NPC1L1: variants seen among roughly 807,000 people sequenced by gnomAD.
NPC1L1 encodes NPC1 like intracellular cholesterol transporter 1.
Under a neutral mutation model 117.0 loss-of-function variants are expected in NPC1L1, and 98 were observed. The observed-to-expected ratio is 0.84, with a 90% CI of 0.71 to 0.99. The LOEUF (loss-of-function observed/expected upper bound fraction) is 0.99, where lower values mean the gene tolerates loss of function less well. Ranked by LOEUF, NPC1L1 falls within the 50% of genes least tolerant of loss-of-function variation. The probability of loss-of-function intolerance (pLI) is 0.00; values close to 1 mark genes in which losing one functional copy is unlikely to be tolerated. For missense variants in NPC1L1, 1,540 were observed against 1,710.0 expected (o/e 0.90, Z 1.75); for synonymous variants, 729 against 727.6 (o/e 1.00, Z -0.03).
At chr7:44,518,698 T>C in intron 14 of NPC1L1, 1 of 1,241,644 alleles carries the variant, frequency 8.1e-7, no homozygotes, top group South Asian at 1.4e-5. Flanking sequence ...ATTTCTTTAT[T>C]GTGTACAGTG....
rs1160686191 is a variant in NPC1L1 at position 44,516,819 on chromosome 7, G to A, written c.3403C>T (p.Leu1135=). Reference sequence around the variant, plus strand: ...AGCAGGTTGAGGAGGCCGGAGCGCAGGTCCAGGCCCAGCAGGAGGCAGGAG... The same window carrying A: ...AGCAGGTTGAGGAGGCCGGAGCGCAAGTCCAGGCCCAGCAGGAGGCAGGAG... ...AVSCLLLGLD[L]RSGLLNLLSI... Residue 1135 remains leucine, a synonymous_variant, in exon 16 of 19, where the codon CTG becomes TTG. Transcript: ENST00000381160. 1 of 1,614,174 alleles carries A rather than the reference G, an allele frequency of 6.2e-7. No individual in the cohort carries two copies. The highest frequency in any genetic ancestry group is 8.5e-7 in the Non-Finnish European group (1 of 1,180,032).
rs76327525 is a variant in NPC1L1 at position 44,539,237 on chromosome 7, T to C, written c.1160A>G (p.Asn387Ser). 11,533 of 1,613,966 alleles carry C rather than the reference T, an allele frequency of 7.1e-3. 623 individuals carry two copies. The African/African-American group carries it at 0.13, about 18-fold the overall frequency. ...TDPVELWSAP[N>S]SQARSEKAFH... is the part of the protein sequence containing the mutation. ...AGCTTTCTCACTCCGGGCTTGGCTG[T>C]TGGGGGCCGACCACAGCTCCACGGG... Residue 387 changes from asparagine (N) to serine (S), a missense_variant, in exon 2 of 19, where the codon AAC becomes AGC. Asn to Ser is a conservative substitution (Grantham distance 46). Coordinates refer to ENST00000381160, the MANE Select transcript of NPC1L1 (RefSeq NM_001101648.2). This position sits in a 1 kb window ranked among gnomAD's most constrained non-coding sequence, Gnocchi z 4.4.
At chr7:44,518,238 T>C (rs1298772861) in intron 14 of NPC1L1, among the ~76,000 whole-genome samples, 1 of 151,590 alleles carries the variant, frequency 6.6e-6, no homozygotes, top group African/African-American at 2.4e-5. Flanking sequence ...GGTGCGATCT[T>C]GGCTCACTGC....
At chr7:44,533,316 C>G in intron 8 of NPC1L1, 115 bp downstream of exon 8, 10 of 1,273,854 alleles carry the variant, frequency 7.9e-6, no homozygotes, top group Non-Finnish European at 1.0e-5. Context: ...GGCACAATGC[C>G]CCTGTCCCCC....
Position 44,521,668 on chromosome 7 carries a change from C to T in NPC1L1, c.2953+44G>A, listed in dbSNP as rs376445974. Reference sequence around the variant, plus strand: ...CTCTCCTTTCTGTTGCCTCAGTTTGCCCGAGCTGTGGTGGACAGTGAGTCC... The same window carrying T: ...CTCTCCTTTCTGTTGCCTCAGTTTGTCCGAGCTGTGGTGGACAGTGAGTCC... On this transcript the variant is annotated intron_variant, in intron 12 of 18. Coordinates refer to ENST00000381160, the MANE Select transcript of NPC1L1 (RefSeq NM_001101648.2). 6.2e-6 allele frequency: 10 copies of T among 1,613,462 alleles called. No homozygotes were observed. In the African/African-American group the frequency reaches 6.7e-5, roughly 11 times the overall value.
At position 44,534,130 on chromosome 7, in the gene NPC1L1, G is replaced by A. The variant is rs906847510; in HGVS notation, c.2167-277C>T. On this transcript the variant is annotated intron_variant, in intron 6 of 18. Transcript: ENST00000381160. This position sits in a 1 kb window ranked among gnomAD's most constrained non-coding sequence, Gnocchi z 5.2. ...TTCACCAACAGGGAGAGGTGAAATC[G>A]ACTCTGATTTATCCTTACCATGGAA... Among the ~76,000 whole-genome samples the A allele has an allele frequency of 1.3e-5, 2 of 152,206 alleles. No homozygotes were observed. Among genetic ancestry groups the A allele is most frequent in the African/African-American group, 2.4e-5 (1 of 41,456 alleles).
At position 44,539,348 on chromosome 7, in the gene NPC1L1, G is replaced by A. The variant is rs780804558; in HGVS notation, c.1049C>T (p.Ser350Leu). 3.0e-5 allele frequency: 48 copies of A among 1,613,364 alleles called. No homozygotes were observed. The highest frequency in any genetic ancestry group is 9.9e-5 in the South Asian group (9 of 91,078). Residue 350 changes from serine to leucine, a missense_variant, in exon 2 of 19, where the codon TCG becomes TTG. This residue lies in a region of NPC1L1 where 793 missense variants were observed against 820.4 expected (regional missense o/e 0.97). Coordinates refer to ENST00000381160, the MANE Select transcript of NPC1L1 (RefSeq NM_001101648.2). This position sits in a 1 kb window ranked among gnomAD's most constrained non-coding sequence, Gnocchi z 4.4. ...TAGCACCAAGATGGTCAGAGGCCAC[G>A]AAGCCACCCACGTGCCCCAGCCCTG... is the stretch of plus-strand genomic sequence containing the variant. ...FFQGWGTWVA[S>L]WPLTILVLSV...
Position 44,516,771 on chromosome 7 carries a change from C to G in NPC1L1, c.3451G>C (p.Asp1151His). 1 of 1,613,834 alleles carries G rather than the reference C, an allele frequency of 6.2e-7. No individual in the cohort carries two copies. The highest frequency in any genetic ancestry group is 8.5e-7 in the Non-Finnish European group (1 of 1,179,932). The change falls in exon 16 of 19, where the codon GAC becomes CAC. Residue 1151 changes from aspartate (D) to histidine (H), a missense_variant. Asp to His is a moderately conservative substitution (Grantham distance 81, BLOSUM62 -1). Coordinates refer to ENST00000381160, the MANE Select transcript of NPC1L1 (RefSeq NM_001101648.2). ...CACAGGGCCATGAAGCCGACAGTGTCCACGAGGATCATGACAATGGAGAGC... is the reference window on the plus strand; with the variant it reads ...CACAGGGCCATGAAGCCGACAGTGTGCACGAGGATCATGACAATGGAGAGC... ...NLLSIVMILV[D>H]TVGFMALWGI...
At chr7:44,527,371 C>T (rs1178035134) in intron 10 of NPC1L1, among the ~76,000 whole-genome samples, 3 of 148,634 alleles carry the variant, frequency 2.0e-5, no homozygotes, top group Non-Finnish European at 3.0e-5. Context: ...GCAGGAGAAT[C>T]GCTTGAACTC....
intron 18 of NPC1L1, among the ~76,000 whole-genome samples, chr7:44,514,275 A>G (rs1801120995): frequency 6.6e-6 from 1 of 152,144 alleles, no homozygotes; most frequent in African/African-American, 2.4e-5. Flanking sequence ...AGCCAGAAAC[A>G]CCTTCATCCT....
Position 44,535,924 on chromosome 7 carries a change from C to T in NPC1L1, c.1899G>A (p.Leu633=), listed in dbSNP as rs1413700831. Residue 633 remains leucine (L), a synonymous_variant, in exon 5 of 19, where the codon CTG becomes CTA. Transcript: ENST00000381160. ...CAATGTAGCTGGTGGCAAAGATGGG[C>T]AGGTCTTCAGCTGTGGTGCGATTGA... ...DEINRTTAED[L]PIFATSYIVI... The T allele has an allele frequency of 6.2e-7, 1 of 1,613,484 alleles. No homozygotes were observed. The highest frequency in any genetic ancestry group is 1.7e-5 in the Admixed American group (1 of 60,026).
Position 44,534,334 on chromosome 7 carries a change from G to T in NPC1L1, c.2166+113C>A. The T allele has an allele frequency of 1.0e-6, 1 of 994,402 alleles. No homozygotes were observed. The highest frequency in any genetic ancestry group is 1.6e-6 in the Non-Finnish European group (1 of 616,806). 61.6% of individuals were successfully genotyped at this position (994,402 alleles called of 1,614,324 possible). ...TTGTAAACATGCGTGTCGATGAACAGAAAGAGTCTGCAGGGAGACCCAGCA... is the reference window on the plus strand; with the variant it reads ...TTGTAAACATGCGTGTCGATGAACATAAAGAGTCTGCAGGGAGACCCAGCA... On this transcript the variant is annotated intron_variant, in intron 6 of 18. Transcript: ENST00000381160. The surrounding 1 kb of genome is among the most constrained non-coding windows in gnomAD (Gnocchi z 5.2).
chr7:44,539,323 T>C lies in NPC1L1; in HGVS notation c.1074A>G (p.Leu358=), dbSNP rs1265232737. 1.2e-6 allele frequency: 2 copies of C among 1,613,788 alleles called. No homozygotes were observed. The highest frequency in any genetic ancestry group is 1.7e-5 in the Admixed American group (1 of 60,000). The part of the protein sequence containing the change: ...VASWPLTILV[L]SVIPVVALAA... Reference sequence around the variant, plus strand: ...CCAAGGCCACCACCGGGATGACAGATAGCACCAAGATGGTCAGAGGCCACG... The same window carrying C: ...CCAAGGCCACCACCGGGATGACAGACAGCACCAAGATGGTCAGAGGCCACG... The change falls in exon 2 of 19, where the codon CTA becomes CTG. Residue 358 remains leucine, a synonymous_variant. Coordinates refer to ENST00000381160, the MANE Select transcript of NPC1L1 (RefSeq NM_001101648.2). The surrounding 1 kb of genome is among the most constrained non-coding windows in gnomAD (Gnocchi z 4.4).
chr7:44,525,025 A>C (rs1004165319), intron 10 of NPC1L1, among the ~76,000 whole-genome samples: 3 of 152,126 alleles, frequency 2.0e-5, no homozygotes, highest in African/African-American at 7.2e-5. Context: ...AAAGGAAAAA[A>C]AATAACGAAA....
rs1247532686 is a variant in NPC1L1, at chr7:44,539,317, G to T, written c.1080C>A (p.Val360=). The T allele has an allele frequency of 4.3e-6, 7 of 1,613,960 alleles. No homozygotes were observed. Among genetic ancestry groups the T allele is most frequent in the Non-Finnish European group, 5.9e-6 (7 of 1,180,006 alleles). The change falls in exon 2 of 19, where the codon GTC becomes GTA. Residue 360 remains valine, a synonymous_variant. Coordinates refer to ENST00000381160, the MANE Select transcript of NPC1L1 (RefSeq NM_001101648.2). The surrounding 1 kb of genome is among the most constrained non-coding windows in gnomAD (Gnocchi z 4.4). The part of the protein sequence containing the change: ...SWPLTILVLS[V]IPVVALAAGL... ...CCGCTGCCAAGGCCACCACCGGGATGACAGATAGCACCAAGATGGTCAGAG... is the reference window on the plus strand; with the variant it reads ...CCGCTGCCAAGGCCACCACCGGGATTACAGATAGCACCAAGATGGTCAGAG...
At chr7:44,533,397 G>T (rs1322961634) in intron 8 of NPC1L1, 34 bp downstream of exon 8, 1 of 1,612,712 alleles carries the variant, frequency 6.2e-7, no homozygotes, top group South Asian at 1.1e-5. Context: ...GAACCCAGGG[G>T]CAGGTCCCTC....
At chr7:44,531,999 T>A in intron 9 of NPC1L1, 81 bp downstream of exon 9, 1 of 1,605,148 alleles carries the variant, frequency 6.2e-7, no homozygotes, top group Admixed American at 1.7e-5. Flanking sequence ...CTAGGCAACC[T>A]CCCCACCTCC....
intron 10 of NPC1L1, among the ~76,000 whole-genome samples, chr7:44,525,159 G>T (rs934902368): frequency 3.9e-5 from 6 of 152,084 alleles, no homozygotes; most frequent in African/African-American, 1.4e-4. Flanking sequence ...AAAAATTATG[G>T]CCAGAACTCC....
intron 4 of NPC1L1, 31 bp from the exon 5 acceptor site, chr7:44,535,999 G>A: frequency 2.5e-6 from 4 of 1,612,268 alleles, no homozygotes; most frequent in Non-Finnish European, 2.5e-6. Flanking sequence ...AGCCCCCACT[G>A]ACCGTGCCTG....
Sources: allele counts gnomAD v4.1 joint callset (sites outside exome capture counted in the v4.1 genomes callset), GRCh38; gene constraint gnomAD v4.1.1; regional missense constraint gnomAD v4.1.1; non-coding constraint Gnocchi (gnomAD v3.1); transcripts MANE v1.5; gene names NCBI Gene and HGNC (gene_info 2026-07-23, HGNC 2026-07-21).